CLPTM1L: variants seen among roughly 807,000 people sequenced by gnomAD.
CLPTM1L encodes CLPTM1 like, also known as lipid scramblase CLPTM1L.
In CLPTM1L, 38 loss-of-function variants were observed where a neutral mutation model predicts 70.9. That is an observed-to-expected ratio of 0.54 (90% confidence interval 0.41 to 0.70). The LOEUF is 0.70. Among genes scored for constraint, CLPTM1L ranks in the 30% least tolerant of loss-of-function variants. The probability of loss-of-function intolerance (pLI) is 0.00; values close to 1 mark genes in which losing one functional copy is unlikely to be tolerated. For missense variants in CLPTM1L, 652 were observed against 705.9 expected (o/e 0.92, Z 0.87); for synonymous variants, 339 against 299.9 (o/e 1.13, Z -1.35).
intron 6 of CLPTM1L, 70 bp downstream of exon 6, chr5:1,334,987 G>C (rs778568259): frequency 2.7e-5 from 32 of 1,196,420 alleles, no homozygotes; most frequent in Non-Finnish European, 3.8e-5. Flanking sequence ...CCTGTGTCAG[G>C]ATTCGCACTT....
At chr5:1,333,124 G>A (rs2447854) in intron 7 of CLPTM1L, among the ~76,000 whole-genome samples, 634 of 10,624 alleles carry the variant, frequency 0.06, 34 homozygotes, top group Non-Finnish European at 0.074. Context: ...TAGACACACC[G>A]GATAAGGGGG....
intron 13 of CLPTM1L, 143 bp downstream of exon 13, chr5:1,322,734 A>G: frequency 1.2e-6 from 1 of 823,966 alleles, no homozygotes; most frequent in Non-Finnish European, 2.1e-6. Context: ...AGCCCTGGGC[A>G]CCGCACATGT....
Position 1,342,549 on chromosome 5 carries a change from C to T in CLPTM1L, c.264-689G>A, listed in dbSNP as rs986128364. On this transcript the variant is annotated intron_variant, in intron 2 of 16. Coordinates refer to ENST00000320895, the MANE Select transcript of CLPTM1L (RefSeq NM_030782.5). The surrounding 1 kb of genome is among the most constrained non-coding windows in gnomAD (Gnocchi z 4.3). ...ATACTACAGCCCCATGGAAAAACCT[C>T]GCATTCCACCTGTTTACGGTTACAT... 6.6e-6 allele frequency among the ~76,000 whole-genome samples: 1 copy of T among 152,198 alleles called. No homozygotes were observed. Among genetic ancestry groups the T allele is most frequent in the Non-Finnish European group, 1.5e-5 (1 of 68,044 alleles).
At chr5:1,328,386 G>GAC (rs1752786759) in intron 9 of CLPTM1L, among the ~76,000 whole-genome samples, 4 of 67,866 alleles carry the variant, frequency 5.9e-5, no homozygotes, top group African/African-American at 1.2e-4. Flanking sequence ...CCTCTACAGG[G>GAC]ACATTTCTTC....
At position 1,318,915 on chromosome 5, in the gene CLPTM1L, G is replaced by T. The variant is rs980043016; in HGVS notation, c.1533-462C>A. On this transcript the variant is annotated intron_variant, in intron 16 of 16. Coordinates refer to ENST00000320895, the MANE Select transcript of CLPTM1L (RefSeq NM_030782.5). This position sits in a 1 kb window ranked among gnomAD's most constrained non-coding sequence, Gnocchi z 8.9. Reference sequence around the variant, plus strand: ...CCTTGCCAACATCACCCCTACGTATGGATGAGGAAGCTGTGGCATAAGGGG... The same window carrying T: ...CCTTGCCAACATCACCCCTACGTATTGATGAGGAAGCTGTGGCATAAGGGG... Among the ~76,000 whole-genome samples, 3 of 152,342 alleles carry T rather than the reference G, an allele frequency of 2.0e-5. No individual in the cohort carries two copies. Among genetic ancestry groups the T allele is most frequent in the African/African-American group, 4.8e-5 (2 of 41,584 alleles).
At chr5:1,319,708 C>T (rs991657395) in intron 16 of CLPTM1L, among the ~76,000 whole-genome samples, 2 of 152,126 alleles carry the variant, frequency 1.3e-5, no homozygotes, top group Non-Finnish European at 2.9e-5. Context: ...GCCTCCTGGT[C>T]GGGGGAGGGA....
chr5:1,323,278 A>G (rs1752276063), intron 12 of CLPTM1L, among the ~76,000 whole-genome samples: 2 of 128,160 alleles, frequency 1.6e-5, no homozygotes, highest in Admixed American at 7.8e-5. Flanking sequence ...CCACCTGGGC[A>G]GCAGAGGCTG....
chr5:1,324,703 C>T lies in CLPTM1L; in HGVS notation c.1197+60G>A, dbSNP rs62329693. 18 of 1,444,468 alleles carry T rather than the reference C, an allele frequency of 1.2e-5. No individual in the cohort carries two copies. The East Asian group carries it at 1.6e-4, about 13-fold the overall frequency. 89.5% of individuals were successfully genotyped at this position (1,444,468 alleles called of 1,614,324 possible). ...CACTGAGCAATGACAGTAAAAGACC[C>T]GTCTTTGAGGGTGTTGGATTTGCCT... On this transcript the variant is annotated intron_variant, in intron 11 of 16. Coordinates refer to ENST00000320895, the MANE Select transcript of CLPTM1L (RefSeq NM_030782.5).
chr5:1,336,327 TGA>T (rs767470568), intron 5 of CLPTM1L, among the ~76,000 whole-genome samples: 1 of 152,060 alleles, frequency 6.6e-6, no homozygotes, highest in East Asian at 1.9e-4. Context: ...CAGCGACACA[TGA>T]GAGAGACTGT....
intron 5 of CLPTM1L, 88 bp downstream of exon 5, chr5:1,337,816 C>A: frequency 9.6e-7 from 1 of 1,038,060 alleles, no homozygotes; most frequent in Non-Finnish European, 1.5e-6. Flanking sequence ...AGCAATGGCC[C>A]GGTCCATTAG....
rs200027026 is a variant in CLPTM1L, at chr5:1,330,255, G to A, written c.1080+25C>T. The A allele has an allele frequency of 6.0e-4, 956 of 1,596,990 alleles. 8 individuals carry two copies. In the Middle Eastern group the frequency reaches 0.012, roughly 20 times the overall value. On this transcript the variant is annotated intron_variant, in intron 9 of 16. Transcript: ENST00000320895. ...CGTGGAGGCACATGGACCTCAGACA[G>A]TTCAGGTCACTGCCCGGAACTCACC...
chr5:1,323,205 A>C (rs1752266054), intron 12 of CLPTM1L, among the ~76,000 whole-genome samples: 1 of 144,230 alleles, frequency 6.9e-6, no homozygotes, highest in Admixed American at 6.8e-5. Context: ...GCTCAGGGCC[A>C]GCACCCTGCC....
At chr5:1,325,968 C>T (rs947579321) in intron 9 of CLPTM1L, 152 bp from the exon 10 acceptor site, 10 of 647,800 alleles carry the variant, frequency 1.5e-5, no homozygotes, top group South Asian at 5.8e-5. Flanking sequence ...CAGGCCAGAG[C>T]GCTGGAGGCT....
chr5:1,337,405 A>G (rs765682307), intron 5 of CLPTM1L, among the ~76,000 whole-genome samples: 1 of 152,230 alleles, frequency 6.6e-6, no homozygotes, highest in African/African-American at 2.4e-5. Context: ...AGCCACTTCT[A>G]TTCGCAAAGG....
intron 13 of CLPTM1L, among the ~76,000 whole-genome samples, chr5:1,322,496 T>C (rs1011256517): frequency 1.3e-5 from 2 of 152,216 alleles, no homozygotes; most frequent in Non-Finnish European, 2.9e-5. Context: ...TTTTAATGCT[T>C]AGGTTTCCTT....
At chr5:1,321,561 G>C (rs375501912) in intron 15 of CLPTM1L, 74 bp downstream of exon 15, 5 of 1,315,768 alleles carry the variant, frequency 3.8e-6, no homozygotes, top group Middle Eastern at 1.8e-4. Context: ...CCCCAGTAAT[G>C]CTGTTGGCTG....
Position 1,331,788 on chromosome 5 carries a change from G to T in CLPTM1L, c.976+11C>A, listed in dbSNP as rs751793114. On this transcript the variant is annotated intron_variant, in intron 8 of 16. Transcript: ENST00000320895. ...AGAGTATCTGAGCAGGGCCACGCTC[G>T]GGGGGCCTACCTGCCTTGGTGGACA... 2.5e-6 allele frequency: 4 copies of T among 1,611,922 alleles called. No individual in the cohort carries two copies. Among genetic ancestry groups the T allele is most frequent in the Non-Finnish European group, 2.5e-6 (3 of 1,179,152 alleles).
At chr5:1,336,979 GA>G (rs1341373710) in intron 5 of CLPTM1L, among the ~76,000 whole-genome samples, 1 of 152,170 alleles carries the variant, frequency 6.6e-6, no homozygotes, top group East Asian at 1.9e-4. Flanking sequence ...CTCTCCCCAG[GA>G]CTGTTTCCTC....
chr5:1,323,866 T>C lies in CLPTM1L; in HGVS notation c.1201A>G (p.Met401Val). ...TACAGCAGGTATGACAAGTACTTCA[T>C]GGCCTGCAGGGAACAAAGATGGCTT... The part of the protein sequence containing the change: ...RKTEEYDTQA[M>V]KYLSYLLYPL... Residue 401 changes from methionine (M) to valine (V), a missense_variant, in exon 12 of 17, where the codon ATG becomes GTG. Met to Val is a conservative substitution (Grantham distance 21, BLOSUM62 1). Transcript: ENST00000320895. 4 of 1,613,018 alleles carry C rather than the reference T, an allele frequency of 2.5e-6. No individual in the cohort carries two copies. Among genetic ancestry groups the C allele is most frequent in the Non-Finnish European group, 3.4e-6 (4 of 1,179,364 alleles).
Sources: allele counts gnomAD v4.1 joint callset (sites outside exome capture counted in the v4.1 genomes callset), GRCh38; gene constraint gnomAD v4.1.1; non-coding constraint Gnocchi (gnomAD v3.1); transcripts MANE v1.5; gene names NCBI Gene and HGNC (gene_info 2026-07-23, HGNC 2026-07-21).